The following NEK10 variants were observed in gnomAD, a reference collection of about 807,000 sequenced individuals.
NEK10 encodes the protein NIMA related kinase 10.
Under a neutral mutation model 159.8 loss-of-function variants are expected in NEK10, and 122 were observed. That is an observed-to-expected ratio of 0.76 (90% confidence interval 0.66 to 0.89). NEK10 has a LOEUF of 0.89. NEK10 is among the 40% of genes least tolerant of loss of function. NEK10 has a pLI of 0.00. For synonymous variants in NEK10, 466 were observed against 457.1 expected, an observed-to-expected ratio of 1.02 and a Z score of -0.25; for missense variants, 1,342 against 1,323.1, an observed-to-expected ratio of 1.01 and a Z score of -0.22.
At chr3:27,216,055 T>C (rs905325169) in intron 23 of NEK10, among the ~76,000 whole-genome samples, 6 of 152,172 alleles carry the variant, frequency 3.9e-5, no homozygotes, top group Non-Finnish European at 8.8e-5. Flanking sequence ...AAAGTATACC[T>C]TGATTGTACC....
At chr3:27,133,208 C>G (rs1163072111) in intron 31 of NEK10, among the ~76,000 whole-genome samples, 1 of 152,144 alleles carries the variant, frequency 6.6e-6, no homozygotes, top group African/African-American at 2.4e-5. Context: ...AGAAATAAAC[C>G]TCTATTGTGT....
chr3:27,215,307 G>A (rs1022849296), intron 23 of NEK10, among the ~76,000 whole-genome samples: 10 of 152,128 alleles, frequency 6.6e-5, no homozygotes, highest in African/African-American at 1.2e-4. Flanking sequence ...GTAACCCATG[G>A]GATGCCAACT....
intron 5 of NEK10, among the ~76,000 whole-genome samples, chr3:27,335,943 T>C (rs755339501): frequency 6.6e-6 from 1 of 151,820 alleles, no homozygotes; most frequent in Admixed American, 6.6e-5. Context: ...ATAATACACC[T>C]CAAGATACTA....
chr3:27,208,854 T>G (rs999752473), intron 23 of NEK10, among the ~76,000 whole-genome samples: 1 of 152,234 alleles, frequency 6.6e-6, no homozygotes, highest in African/African-American at 2.4e-5. Context: ...TCTATAAGCC[T>G]GGCATCACGG....
At chr3:27,348,476 C>A (rs1481672828) in intron 3 of NEK10, among the ~76,000 whole-genome samples, 2 of 152,158 alleles carry the variant, frequency 1.3e-5, no homozygotes, top group Non-Finnish European at 2.9e-5. Flanking sequence ...AAGCAAGTAG[C>A]ACTTCATATG....
At chr3:27,204,275 C>CTTTTTTTTTTTTTTTTTT (rs1203026508) in intron 23 of NEK10, among the ~76,000 whole-genome samples, 22 of 63,964 alleles carry the variant, frequency 3.4e-4, no homozygotes, top group East Asian at 4.6e-4. Context: ...GATAAATTTT[C>CTTTTTTTTTTTTTTTTTT]TTTTTTTTTT....
intron 23 of NEK10, among the ~76,000 whole-genome samples, chr3:27,237,886 A>G (rs1011504990): frequency 1.3e-5 from 2 of 152,168 alleles, no homozygotes; most frequent in African/African-American, 4.8e-5. Context: ...TGATATGTGA[A>G]ATTGTATAAA....
intron 32 of NEK10, among the ~76,000 whole-genome samples, chr3:27,120,943 G>A (rs775100848): frequency 6.6e-6 from 1 of 152,160 alleles, no homozygotes; most frequent in Non-Finnish European, 1.5e-5. Flanking sequence ...CTATGCTATA[G>A]TAGTTAGCTT....
intron 23 of NEK10, among the ~76,000 whole-genome samples, chr3:27,244,827 C>T (rs563917553): frequency 7.4e-4 from 113 of 152,244 alleles, no homozygotes; most frequent in African/African-American, 2.4e-3. Context: ...GTGCCCACAC[C>T]GCAGATGCTG....
intron 5 of NEK10, among the ~76,000 whole-genome samples, chr3:27,326,831 G>C (rs1222409288): frequency 6.6e-6 from 1 of 152,200 alleles, no homozygotes; most frequent in African/African-American, 2.4e-5. Flanking sequence ...TGAAAGAGCA[G>C]TTGTTCCTTC....
At chr3:27,329,165 C>T (rs1157352860) in intron 5 of NEK10, among the ~76,000 whole-genome samples, 4 of 152,210 alleles carry the variant, frequency 2.6e-5, no homozygotes, top group African/African-American at 9.6e-5. Context: ...CCTGCACAAG[C>T]TCTTTTTGCC....
At chr3:27,141,060 T>C (rs1943740689) in intron 31 of NEK10, among the ~76,000 whole-genome samples, 1 of 152,138 alleles carries the variant, frequency 6.6e-6, no homozygotes, top group Admixed American at 6.6e-5. Context: ...CAATTCTGGA[T>C]TTTGTGTGGT....
At chr3:27,206,748 T>C (rs1007644437) in intron 23 of NEK10, 2 of 356,330 alleles carry the variant, frequency 5.6e-6, no homozygotes, top group Non-Finnish European at 7.8e-6. Flanking sequence ...AATTTGCCTA[T>C]TTTATAAATT....
intron 29 of NEK10, among the ~76,000 whole-genome samples, chr3:27,166,345 T>C (rs1336476094): frequency 6.6e-6 from 1 of 152,214 alleles, no homozygotes. Context: ...ATAGAACTAT[T>C]ACAGAAAAGA....
chr3:27,166,069 C>T (rs1258705632), intron 29 of NEK10, among the ~76,000 whole-genome samples: 1 of 152,174 alleles, frequency 6.6e-6, no homozygotes, highest in East Asian at 1.9e-4. Context: ...GTTTGGCTTA[C>T]AATAGTAAGG....
At chr3:27,318,507 A>T (rs1315074759) in intron 6 of NEK10, among the ~76,000 whole-genome samples, 1 of 152,244 alleles carries the variant, frequency 6.6e-6, no homozygotes, top group Admixed American at 6.5e-5. Flanking sequence ...ATTAGAAATT[A>T]AAAGTGAGAA....
intron 16 of NEK10, among the ~76,000 whole-genome samples, chr3:27,293,357 G>GAT (rs1366313259): frequency 1.3e-5 from 2 of 152,202 alleles, no homozygotes; most frequent in East Asian, 3.8e-4. Flanking sequence ...GAGTTGTATT[G>GAT]ATATAGCAAT....
rs9863440 is a variant in NEK10, at chr3:27,286,148, C to T, written c.1790-1187G>A. Among the ~76,000 whole-genome samples the T allele has an allele frequency of 4.8e-3, 654 of 135,154 alleles. 7 individuals carry two copies. The highest frequency in any genetic ancestry group is 0.018 in the African/African-American group (602 of 33,840). The allele number at this position is 135,154 out of a possible 152,430, so 88.7% of individuals were successfully genotyped here. On this transcript the variant is annotated intron_variant, in intron 20 of 35. Transcript: ENST00000691995. ...TTGCCCAGGCTGGACTGCAGTGGCG[C>T]GATCTTGGCTCACTGCACGCTCTGC...
intron 23 of NEK10, among the ~76,000 whole-genome samples, chr3:27,225,189 G>A (rs1952502342): frequency 2.0e-5 from 3 of 152,174 alleles, no homozygotes; most frequent in Admixed American, 2.0e-4. Context: ...AAGGCTGGGA[G>A]GTTAGGCCAG....
Sources: gnomAD v4.1 joint callset for allele counts (sites outside exome capture counted in the v4.1 genomes callset) on GRCh38, gnomAD v4.1.1 for gene constraint, MANE v1.5 for transcripts, NCBI Gene and HGNC (gene_info 2026-07-23, HGNC 2026-07-21) for gene names.